Variants in PSMD13 observed in about 807,000 individuals in gnomAD.
The protein encoded by PSMD13 is proteasome 26S subunit, non-ATPase 13, also known as 26S proteasome non-ATPase regulatory subunit 13.
In PSMD13, 8 loss-of-function variants were observed where a neutral mutation model predicts 57.4. The ratio of observed to expected loss-of-function variants is 0.14; its 90% CI spans 0.08 to 0.25. The LOEUF (loss-of-function observed/expected upper bound fraction) is 0.25, where lower values mean the gene tolerates loss of function less well. Among genes scored for constraint, PSMD13 ranks in the 10% least tolerant of loss-of-function variants. PSMD13 has a pLI of 1.00. For synonymous variants in PSMD13, 193 were observed against 168.2 expected (o/e 1.15, Z -1.14); for missense variants, 400 against 461.5 (o/e 0.87, Z 1.22).
At position 244,685 on chromosome 11, in the gene PSMD13, G is replaced by C. The variant is rs1025663068; in HGVS notation, c.320G>C (p.Ser107Thr). The C allele has an allele frequency of 9.9e-6, 16 of 1,612,488 alleles. No individual in the cohort carries two copies. The highest frequency in any genetic ancestry group is 1.2e-5 in the Non-Finnish European group (14 of 1,179,578). ...TTTTTGATGTCTTAGGTGAAAAGTA[G>C]TGATGAGGCAGTGATCCTGTGTAAA... ...LEKTREKVKS[S>T]DEAVILCKTA... Residue 107 changes from serine (S) to threonine (T), a missense_variant, in exon 6 of 13, where the codon AGT becomes ACT. Coordinates refer to ENST00000532097, the MANE Select transcript of PSMD13 (RefSeq NM_002817.4).
chr11:245,960 G>A (rs917947354), intron 6 of PSMD13, among the ~76,000 whole-genome samples: 1 of 152,108 alleles, frequency 6.6e-6, no homozygotes, highest in Non-Finnish European at 1.5e-5. Flanking sequence ...AGCTTAGGAA[G>A]GAATGAAGCC....
intron 6 of PSMD13, 80 bp from the exon 7 acceptor site, chr11:247,197 A>G (rs1340044964): frequency 7.0e-7 from 1 of 1,421,958 alleles, no homozygotes; most frequent in Non-Finnish European, 9.4e-7. Context: ...ACCCTAGGCA[A>G]CAGAGTGAGA....
In PSMD13 at chr11:252,649, G is replaced by C; in HGVS notation, c.*49G>C. ...CTCCTTTGACTCACCTGAGAGAGGC[G>C]TTTGCAGCCAATGAAGCTGGCTGCT... On this transcript the variant is annotated 3_prime_UTR_variant, in exon 13 of 13. Coordinates refer to ENST00000532097, the MANE Select transcript of PSMD13 (RefSeq NM_002817.4). This position sits in a 1 kb window ranked among gnomAD's most constrained non-coding sequence, Gnocchi z 4.1. 1.3e-6 allele frequency: 2 copies of C among 1,563,250 alleles called. No homozygotes were observed. Among genetic ancestry groups the C allele is most frequent in the Non-Finnish European group, 1.8e-6 (2 of 1,135,892 alleles).
chr11:246,459 CCA>C (rs1413480489), intron 6 of PSMD13, among the ~76,000 whole-genome samples: 1 of 152,196 alleles, frequency 6.6e-6, no homozygotes, highest in Non-Finnish European at 1.5e-5. Context: ...CGAGATCGCA[CCA>C]CTGCACTACA....
chr11:241,888 A>G (rs762018493), intron 2 of PSMD13, among the ~76,000 whole-genome samples: 1 of 152,160 alleles, frequency 6.6e-6, no homozygotes, highest in Non-Finnish European at 1.5e-5. Flanking sequence ...CACTCTGGAC[A>G]GAGACCAATC....
In PSMD13 at chr11:251,848, C is replaced by T. The variant is rs1333093488; in HGVS notation, c.947C>T (p.Ser316Leu). 4 of 1,614,160 alleles carry T rather than the reference C, an allele frequency of 2.5e-6. No homozygotes were observed. The highest frequency in any genetic ancestry group is 3.4e-6 in the Non-Finnish European group (4 of 1,180,020). Residue 316 changes from serine to leucine, a missense_variant, in exon 12 of 13, where the codon TCG (serine) becomes TTG (leucine). Physicochemically the swap from Ser to Leu is moderately radical, Grantham distance 145. Transcript: ENST00000532097. This position sits in a 1 kb window ranked among gnomAD's most constrained non-coding sequence, Gnocchi z 4.6. The part of the protein sequence containing the change: ...EVELLVMKAL[S>L]VGLVKGSIDE... ...GAGCTTCTGGTGATGAAGGCCCTTT[C>T]GGTGGGGCTGGTGAAAGGCAGTATA...
intron 10 of PSMD13, 66 bp downstream of exon 10, chr11:250,931 C>A: frequency 7.2e-7 from 1 of 1,388,628 alleles, no homozygotes; most frequent in Non-Finnish European, 1.0e-6. Context: ...GGGCGCTGCA[C>A]TCTCCAAGCC....
At chr11:246,170 T>C (rs1392634948) in intron 6 of PSMD13, among the ~76,000 whole-genome samples, 1 of 152,204 alleles carries the variant, frequency 6.6e-6, no homozygotes, top group Non-Finnish European at 1.5e-5. Context: ...CGGTATTTCA[T>C]TGTATAAGTG....
At chr11:243,798 A>G (rs1385003716) in intron 2 of PSMD13, among the ~76,000 whole-genome samples, 1 of 152,220 alleles carries the variant, frequency 6.6e-6, no homozygotes, top group Non-Finnish European at 1.5e-5. Flanking sequence ...AATTCCCAAA[A>G]CTAGAAGAAA....
chr11:249,303 T>A (rs563571435), intron 9 of PSMD13, among the ~76,000 whole-genome samples: 1 of 152,154 alleles, frequency 6.6e-6, no homozygotes, highest in East Asian at 1.9e-4. Context: ...GCCCTGCATC[T>A]ACGCTGGGTG....
rs770918734 is a variant in PSMD13, at chr11:251,790, T to G, written c.919-30T>G. On this transcript the variant is annotated intron_variant, in intron 11 of 12. Coordinates refer to ENST00000532097, the MANE Select transcript of PSMD13 (RefSeq NM_002817.4). This position sits in a 1 kb window ranked among gnomAD's most constrained non-coding sequence, Gnocchi z 4.6. ...TCCATGGGGGTGTGTCAGGCTATCT[T>G]GTCTTACACACGCCTCCCTCTCTGC... is the stretch of plus-strand genomic sequence containing the variant. The G allele has an allele frequency of 6.2e-7, 1 of 1,601,746 alleles. No individual in the cohort carries two copies.
intron 4 of PSMD13, 99 bp downstream of exon 4, chr11:244,315 T>C (rs1859585835): frequency 1.3e-6 from 2 of 1,579,410 alleles, no homozygotes; most frequent in African/African-American, 1.4e-5. Flanking sequence ...TCAGATATTA[T>C]GTTTTTATTA....
intron 9 of PSMD13, 48 bp downstream of exon 9, chr11:249,105 G>A (rs11601352): frequency 0.053 from 85,354 of 1,600,892 alleles, 2,876 homozygotes; most frequent in Admixed American, 0.15. Flanking sequence ...GTATCTACTC[G>A]CTCATACAAC....
chr11:239,138 G>A (rs1246471147), intron 2 of PSMD13, 62 bp downstream of exon 2: 13 of 1,394,414 alleles, frequency 9.3e-6, no homozygotes, highest in Admixed American at 5.0e-5. Flanking sequence ...TTGAAAATAA[G>A]ATAGGCTTTA....
At position 237,198 on chromosome 11, in the gene PSMD13, G is replaced by A. The variant is rs1400212660; in HGVS notation, c.95+54G>A. On this transcript the variant is annotated intron_variant, in intron 1 of 12. Coordinates refer to ENST00000532097, the MANE Select transcript of PSMD13 (RefSeq NM_002817.4). ...CCCGGCGATAGAGGGAGACGGAGGG[G>A]GCAGGCGGGCGGAGGAGCGGACCCT... 6.5e-6 allele frequency: 10 copies of A among 1,538,444 alleles called. No homozygotes were observed. The Admixed American group carries it at 1.9e-4, about 29-fold the overall frequency.
At position 252,710 on chromosome 11, in the gene PSMD13, A is replaced by T. The variant is rs1859792462; in HGVS notation, c.*110A>T. ...ACATTGAATTTGGGTGGGGGTTGGG[A>T]TCCTGTCTGAAGTACAGACTGTTCT... On this transcript the variant is annotated 3_prime_UTR_variant, in exon 13 of 13. Coordinates refer to ENST00000532097, the MANE Select transcript of PSMD13 (RefSeq NM_002817.4). This position sits in a 1 kb window ranked among gnomAD's most constrained non-coding sequence, Gnocchi z 4.1. The T allele has an allele frequency of 1.0e-6, 1 of 998,596 alleles. No homozygotes were observed. Among genetic ancestry groups the T allele is most frequent in the Non-Finnish European group, 1.5e-6 (1 of 648,694 alleles). 61.9% of individuals were successfully genotyped at this position (998,596 alleles called of 1,614,324 possible).
In PSMD13 at chr11:251,635, C is replaced by T. The variant is rs1055257165; in HGVS notation, c.918+9C>T. ...AAATCACAGTGAATGAGGTACGGTCCCTAGGCTCAGGGTGTTAGAGCAGCA... is the reference window on the plus strand; with the variant it reads ...AAATCACAGTGAATGAGGTACGGTCTCTAGGCTCAGGGTGTTAGAGCAGCA... On this transcript the variant is annotated intron_variant, in intron 11 of 12. Transcript: ENST00000532097. The surrounding 1 kb of genome is among the most constrained non-coding windows in gnomAD (Gnocchi z 4.6). The T allele has an allele frequency of 1.9e-6, 3 of 1,609,686 alleles. No individual in the cohort carries two copies. The African/African-American group carries it at 4.0e-5, about 22-fold the overall frequency.
rs192467588 is a variant in PSMD13 at position 252,604 on chromosome 11, C to G, written c.*4C>G. The G allele has an allele frequency of 9.3e-5, 150 of 1,613,728 alleles. No homozygotes were observed. Among genetic ancestry groups the G allele is most frequent in the Non-Finnish European group, 1.3e-4 (148 of 1,179,820 alleles). ...GGCCCATGACATCCTCACCTAGGGCCCCCTGGTTCCCCGTCGTGTCTCCTT... is the reference window on the plus strand; with the variant it reads ...GGCCCATGACATCCTCACCTAGGGCGCCCTGGTTCCCCGTCGTGTCTCCTT... On this transcript the variant is annotated 3_prime_UTR_variant, in exon 13 of 13. Transcript: ENST00000532097. The surrounding 1 kb of genome is among the most constrained non-coding windows in gnomAD (Gnocchi z 4.1).
At chr11:250,888 CT>C in intron 10 of PSMD13, 23 bp downstream of exon 10, 1 of 1,610,498 alleles carries the variant, frequency 6.2e-7, no homozygotes. Context: ...CCAGGAGCCA[CT>C]TTGTCTGTGG....
Sources: gnomAD v4.1 joint callset for allele counts (sites outside exome capture counted in the v4.1 genomes callset) on GRCh38, gnomAD v4.1.1 for gene constraint, Gnocchi (gnomAD v3.1) non-coding constraint, MANE v1.5 for transcripts, NCBI Gene and HGNC (gene_info 2026-07-23, HGNC 2026-07-21) for gene names.